ZNF676: variants seen among roughly 807,000 people sequenced by gnomAD.
The protein encoded by ZNF676 is zinc finger protein 676.
Under a neutral mutation model 6.0 loss-of-function variants are expected in ZNF676, and 4 were observed. The ratio of observed to expected loss-of-function variants is 0.67; its 90% CI spans 0.33 to 1.53. The LOEUF (loss-of-function observed/expected upper bound fraction) is 1.53. ZNF676 is among the 40% of genes most tolerant of loss of function. The pLI, the probability that ZNF676 is intolerant of heterozygous loss-of-function variation, is 0.06. For synonymous variants in ZNF676, 198 were observed against 223.1 expected (o/e 0.89, Z 1.00); for missense variants, 644 against 679.7 (o/e 0.95, Z 0.58).
At position 22,181,515 on chromosome 19, in the gene ZNF676, A is replaced by C. The variant is rs779299919; in HGVS notation, c.202T>G (p.Leu68Val). The change falls in exon 3 of 3, where the codon TTG (leucine) becomes GTG (valine). Residue 68 changes from leucine (L) to valine (V), a missense_variant. Around this residue, in one of 5 missense-constraint regions of ZNF676, gnomAD observed 280 missense variants for 269.3 expected, o/e 1.04. Coordinates refer to ENST00000397121, the MANE Select transcript of ZNF676 (RefSeq NM_001001411.3). ...GIEDSFQKMI[L>V]RRYDKCGHEN... The stretch of plus-strand genomic sequence containing the variant: ...TGTCCACATTTGTCATATCTTCTCA[A>C]TATCATTTTTTGGAAAGAATCTTCT... The C allele has an allele frequency of 1.2e-5, 20 of 1,611,704 alleles. No homozygotes were observed. The highest frequency in any genetic ancestry group is 1.7e-5 in the Non-Finnish European group (20 of 1,179,144).
At position 22,212,887 on chromosome 19, in the gene ZNF676, T is replaced by C. The variant is rs371354440; in HGVS notation, c.3+2745A>G. Among the ~76,000 whole-genome samples, 423 of 151,652 alleles carry C rather than the reference T, an allele frequency of 2.8e-3. 2 individuals are homozygous for C. Among genetic ancestry groups the C allele is most frequent in the African/African-American group, 9.9e-3 (409 of 41,320 alleles). On this transcript the variant is annotated intron_variant, in intron 1 of 3. Transcript: ENST00000650058. Reference sequence around the variant, plus strand: ...GTGCACGCCTGTAGTCCCAGCTACTTGGGAGGCTGCGGCAGAAGAATTGCT... The same window carrying C: ...GTGCACGCCTGTAGTCCCAGCTACTCGGGAGGCTGCGGCAGAAGAATTGCT...
chr19:22,235,651 T>A, the ZNF676 span, among the ~76,000 whole-genome samples: 1 of 152,204 alleles, frequency 6.6e-6, no homozygotes, highest in African/African-American at 2.4e-5. Context: ...GTGTTTGCTA[T>A]TTCTTGCTCA....
intron 1 of ZNF676, chr19:22,215,486 T>A: frequency 1.1e-6 from 1 of 935,380 alleles, no homozygotes. Context: ...GCCGCCATCT[T>A]ATGGCTGAAG....
the ZNF676 span, among the ~76,000 whole-genome samples, chr19:22,230,669 AT>A: frequency 0.019 from 1,049 of 56,118 alleles, 22 homozygotes; most frequent in African/African-American, 0.1. Flanking sequence ...ATATATATAT[AT>A]TTTTTTGAGC....
rs1481955959 is a variant in ZNF676 at position 22,181,190 on chromosome 19, T to G, written c.527A>C (p.Lys176Thr). 7 of 1,613,864 alleles carry G rather than the reference T, an allele frequency of 4.3e-6. No homozygotes were observed. Among genetic ancestry groups the G allele is most frequent in the Admixed American group, 3.3e-5 (2 of 59,968 alleles). Residue 176 changes from lysine to threonine, a missense_variant, in exon 3 of 3, where the codon AAA (lysine) becomes ACA (threonine). Lys to Thr is a moderately conservative substitution (Grantham distance 78). Around this residue, in one of 5 missense-constraint regions of ZNF676, gnomAD observed 280 missense variants for 269.3 expected, o/e 1.04. Coordinates refer to ENST00000397121, the MANE Select transcript of ZNF676 (RefSeq NM_001001411.3). ...AAGGGTTGAGGACCAGTTAAAAGCT[T>G]TGCCATTTTCTTCACATTTGTAGGA... Reference protein sequence around the residue: ...ENSYKCEENGKAFNWSSTLTY... With the variant: ...ENSYKCEENGTAFNWSSTLTY...
chr19:22,235,044 AGGAAGGCAGAAAGGCAGG>A, the ZNF676 span, among the ~76,000 whole-genome samples: 298 of 149,044 alleles, frequency 2.0e-3, 6 homozygotes, highest in African/African-American at 5.8e-3. Flanking sequence ...AAAGAAAAGA[AGGAAGGCAGAAAGGCAGG>A]AAGAAGGAAG....
the ZNF676 span, among the ~76,000 whole-genome samples, chr19:22,253,384 ATATATATATATGATAATGTG>A: frequency 1.5e-4 from 18 of 117,782 alleles, no homozygotes; most frequent in Non-Finnish European, 2.6e-4. Context: ...ATATATATAT[ATATATATATATGATAATGTG>A]TATATATATA....
intron 1 of ZNF676, among the ~76,000 whole-genome samples, chr19:22,210,122 G>A (rs1045725448): frequency 2.0e-5 from 3 of 152,208 alleles, no homozygotes; most frequent in African/African-American, 7.2e-5. Flanking sequence ...GACAGCCTGT[G>A]TAGAGGAGAG....
chr19:22,215,588 C>T (rs1157848194), intron 1 of ZNF676: 25 of 1,606,280 alleles, frequency 1.6e-5, no homozygotes, highest in Admixed American at 3.4e-5. Context: ...CGGTTCCAAC[C>T]AGCCCAGGCC....
the ZNF676 span, among the ~76,000 whole-genome samples, chr19:22,235,849 C>T: frequency 1.3e-5 from 2 of 151,612 alleles, no homozygotes; most frequent in Non-Finnish European, 2.9e-5. Context: ...TCTGGTGGGC[C>T]TTATGGACAG....
At chr19:22,245,758 A>C in the ZNF676 span, among the ~76,000 whole-genome samples, 1 of 152,170 alleles carries the variant, frequency 6.6e-6, no homozygotes, top group Admixed American at 6.5e-5. Context: ...GGCAGAGTCC[A>C]TTCAGGAGAG....
At chr19:22,182,585 T>TTAAAAA (rs376894161) in intron 2 of ZNF676, among the ~76,000 whole-genome samples, 1 of 45,064 alleles carries the variant, frequency 2.2e-5, no homozygotes, top group African/African-American at 1.1e-4. Flanking sequence ...GTCAAAGTTC[T>TTAAAAA]AAAAAAAAAA....
chr19:22,215,051 A>AC (rs1555775838), intron 1 of ZNF676, among the ~76,000 whole-genome samples: 14 of 137,184 alleles, frequency 1.0e-4, no homozygotes, highest in African/African-American at 2.9e-4. Context: ...AAAAAAAAAA[A>AC]AAAAAAAAAC....
At chr19:22,249,160 G>A in the ZNF676 span, among the ~76,000 whole-genome samples, 11 of 152,122 alleles carry the variant, frequency 7.2e-5, no homozygotes, top group Non-Finnish European at 4.4e-5. Flanking sequence ...GTAATCTTTG[G>A]GAACTAAAAG....
At chr19:22,181,638 TAC>T (rs765257740) in intron 2 of ZNF676, 52 bp from the exon 3 acceptor site, 2 of 1,366,614 alleles carry the variant, frequency 1.5e-6, no homozygotes, top group South Asian at 1.6e-5. Flanking sequence ...CTCAGATAAG[TAC>T]AGTTTCCAAA....
intron 1 of ZNF676, among the ~76,000 whole-genome samples, chr19:22,202,134 G>T (rs2024032610): frequency 6.6e-6 from 1 of 152,004 alleles, no homozygotes; most frequent in South Asian, 2.1e-4. Flanking sequence ...GGTGGTATCT[G>T]AATATTTGTG....
chr19:22,192,956 C>T, intron 2 of ZNF676, 60 bp downstream of exon 2: 2 of 1,510,522 alleles, frequency 1.3e-6, no homozygotes, highest in South Asian at 2.7e-5. Context: ...ACTTTAAGGA[C>T]TGGCTTCCTC....
At chr19:22,182,346 T>C (rs1240019570) in intron 2 of ZNF676, among the ~76,000 whole-genome samples, 1 of 151,990 alleles carries the variant, frequency 6.6e-6, no homozygotes, top group Non-Finnish European at 1.5e-5. Flanking sequence ...ATCTCAAAGA[T>C]TACAGTCTAT....
Position 22,181,356 on chromosome 19 carries a change from C to A in ZNF676, c.361G>T (p.Val121Phe), listed in dbSNP as rs376158454. The A allele has an allele frequency of 6.2e-7, 1 of 1,613,554 alleles. No individual in the cohort carries two copies. Among genetic ancestry groups the A allele is most frequent in the Non-Finnish European group, 8.5e-7 (1 of 1,179,746 alleles). Reference sequence around the variant, plus strand: ...TTTGAATTTGAACATTTATGAAAGACGTTTGCATATTTGCCACATTGAAAT... The same window carrying A: ...TTTGAATTTGAACATTTATGAAAGAAGTTTGCATATTTGCCACATTGAAAT... ...KVFQCGKYAN[V>F]FHKCSNSNRH... Residue 121 changes from valine to phenylalanine, a missense_variant, in exon 3 of 3, where the codon GTC becomes TTC. By Grantham distance (50) the Val-to-Phe change is conservative. This residue lies in a region of ZNF676 where 280 missense variants were observed against 269.3 expected (regional missense o/e 1.04). Coordinates refer to ENST00000397121, the MANE Select transcript of ZNF676 (RefSeq NM_001001411.3).
Sources: allele counts gnomAD v4.1 joint callset (sites outside exome capture counted in the v4.1 genomes callset), GRCh38; gene constraint gnomAD v4.1.1; regional missense constraint gnomAD v4.1.1; transcripts MANE v1.5; gene names NCBI Gene and HGNC (gene_info 2026-07-23, HGNC 2026-07-21).